Variants in PCDH7 observed in about 807,000 individuals in gnomAD.
PCDH7 encodes protocadherin-7.
A neutral mutation model predicts 58.9 loss-of-function variants in PCDH7; 17 were observed. The observed-to-expected ratio is 0.29, with a 90% CI of 0.20 to 0.43. The LOEUF (loss-of-function observed/expected upper bound fraction) is 0.43, where lower values mean the gene tolerates loss of function less well. PCDH7 is among the 20% of genes least tolerant of loss of function. The probability of loss-of-function intolerance (pLI) is 1.00; values close to 1 mark genes in which losing one functional copy is unlikely to be tolerated. For missense variants in PCDH7, 1,274 were observed against 1,441.0 expected (o/e 0.88, Z 1.88); for synonymous variants, 664 against 616.4 (o/e 1.08, Z -1.14).
chr4:31,095,158 T>C (rs1713799399), intron 3 of PCDH7, among the ~76,000 whole-genome samples: 1 of 152,126 alleles, frequency 6.6e-6, no homozygotes, highest in Non-Finnish European at 1.5e-5. Flanking sequence ...TAAATATCTC[T>C]GGCACCATTT....
At chr4:31,079,023 C>A (rs1014809590) in intron 3 of PCDH7, among the ~76,000 whole-genome samples, 32 of 151,624 alleles carry the variant, frequency 2.1e-4, no homozygotes, top group African/African-American at 7.7e-4. Context: ...GAAGAGTGGA[C>A]ATTTACTTCA....
chr4:30,938,297 G>A (rs1027538621), intron 2 of PCDH7, among the ~76,000 whole-genome samples: 3 of 152,028 alleles, frequency 2.0e-5, no homozygotes, highest in Non-Finnish European at 2.9e-5. Flanking sequence ...TCTCCTTATT[G>A]ATTGGACTTT....
At chr4:30,807,474 G>T (rs529598636) in intron 1 of PCDH7, among the ~76,000 whole-genome samples, 4 of 152,244 alleles carry the variant, frequency 2.6e-5, no homozygotes, top group Admixed American at 6.5e-5. Flanking sequence ...ACTGTTTTAC[G>T]GTGACAGCAG....
At chr4:31,058,320 A>G (rs1022383729) in intron 3 of PCDH7, among the ~76,000 whole-genome samples, 1 of 152,088 alleles carries the variant, frequency 6.6e-6, no homozygotes, top group Non-Finnish European at 1.5e-5. Flanking sequence ...TTAATAGAGT[A>G]TGCACAATGG....
intron 2 of PCDH7, among the ~76,000 whole-genome samples, chr4:30,925,431 G>A (rs890350407): frequency 2.6e-5 from 4 of 152,140 alleles, no homozygotes; most frequent in Non-Finnish European, 5.9e-5. Flanking sequence ...AACTTCTCTA[G>A]CAAGGCTGCC....
chr4:30,992,929 G>A (rs4692495), intron 3 of PCDH7, among the ~76,000 whole-genome samples: 26,002 of 151,202 alleles, frequency 0.17, 2,797 homozygotes, highest in South Asian at 0.27. Context: ...CTCCTGAGTA[G>A]CTGGGATTAC....
intron 1 of PCDH7, among the ~76,000 whole-genome samples, chr4:30,781,539 T>A (rs1441752227): frequency 2.8e-5 from 4 of 143,504 alleles, no homozygotes; most frequent in African/African-American, 1.0e-4. Flanking sequence ...ATCTCTCTAT[T>A]TTTTTTTTTT....
At chr4:30,800,787 G>C (rs965782769) in intron 1 of PCDH7, among the ~76,000 whole-genome samples, 4 of 152,226 alleles carry the variant, frequency 2.6e-5, no homozygotes, top group African/African-American at 9.6e-5. Flanking sequence ...GTGTGGTTAA[G>C]AGTACAGGGA....
At chr4:30,853,467 G>C (rs2109348337) in intron 1 of PCDH7, among the ~76,000 whole-genome samples, 1 of 152,150 alleles carries the variant, frequency 6.6e-6, no homozygotes, top group East Asian at 1.9e-4. Context: ...GGATAATTTG[G>C]GAACACAGGG....
intron 1 of PCDH7, among the ~76,000 whole-genome samples, chr4:30,829,176 G>T (rs778695420): frequency 5.9e-5 from 9 of 151,946 alleles, no homozygotes; most frequent in Non-Finnish European, 1.0e-4. Flanking sequence ...CTGATCCTGG[G>T]ATTTGTGTGT....
intron 2 of PCDH7, chr4:30,935,369 G>C: frequency 1.0e-6 from 1 of 974,104 alleles, no homozygotes; most frequent in Non-Finnish European, 1.2e-6. Context: ...GGCACCTTTT[G>C]AATTCGCTAT....
rs1049170523 is a variant in PCDH7 at position 30,977,802 on chromosome 4, T to C, written c.*7+27587T>C. ...TTCCCCTTCCCTAGTCCTCTGAGGA[T>C]CTCTGGAGTGTCATCTGATCAAGTT... is the stretch of plus-strand genomic sequence containing the variant. On this transcript the variant is annotated intron_variant, in intron 3 of 3. Transcript: ENST00000509759. Among the ~76,000 whole-genome samples the C allele has an allele frequency of 3.3e-5, 5 of 152,158 alleles. No individual in the cohort carries two copies. The South Asian group carries it at 1.0e-3, about 31-fold the overall frequency.
intron 3 of PCDH7, among the ~76,000 whole-genome samples, chr4:31,083,263 T>G (rs1711856727): frequency 6.6e-6 from 1 of 152,156 alleles, no homozygotes; most frequent in South Asian, 2.1e-4. Context: ...AAATAAAATT[T>G]TTTTAAAGAA....
chr4:30,814,247 A>G (rs1472312321), intron 1 of PCDH7, among the ~76,000 whole-genome samples: 1 of 152,006 alleles, frequency 6.6e-6, no homozygotes, highest in Non-Finnish European at 1.5e-5. Context: ...AAATATAAGT[A>G]ATACGCCTAT....
At chr4:30,962,822 T>G (rs1032811678) in intron 3 of PCDH7, among the ~76,000 whole-genome samples, 11 of 142,854 alleles carry the variant, frequency 7.7e-5, no homozygotes, top group East Asian at 6.2e-4. Context: ...TAATTCTATA[T>G]AAGTGAAGTG....
chr4:31,102,005 T>G (rs1714954454), intron 3 of PCDH7, among the ~76,000 whole-genome samples: 1 of 152,186 alleles, frequency 6.6e-6, no homozygotes, highest in African/African-American at 2.4e-5. Context: ...ATATTACCCA[T>G]GTGGAGCATT....
chr4:30,760,396 A>G (rs1184263636), intron 1 of PCDH7, among the ~76,000 whole-genome samples: 1 of 152,178 alleles, frequency 6.6e-6, no homozygotes, highest in African/African-American at 2.4e-5. Flanking sequence ...GAAGAGAGGG[A>G]GCCAAATTGT....
At chr4:30,738,729 T>C (rs1015142828) in intron 1 of PCDH7, among the ~76,000 whole-genome samples, 8 of 152,198 alleles carry the variant, frequency 5.3e-5, no homozygotes, top group Non-Finnish European at 1.5e-5. Flanking sequence ...CTTAAAATTT[T>C]AGTGCATTTT....
intron 3 of PCDH7, among the ~76,000 whole-genome samples, chr4:31,060,219 A>G (rs539420219): frequency 6.6e-6 from 1 of 151,880 alleles, no homozygotes; most frequent in Non-Finnish European, 1.5e-5. Flanking sequence ...ATTGTCCCCA[A>G]TCTTGGTTAT....
Sources: allele counts gnomAD v4.1 joint callset (sites outside exome capture counted in the v4.1 genomes callset), GRCh38; gene constraint gnomAD v4.1.1; transcripts MANE v1.5; gene names NCBI Gene and HGNC (gene_info 2026-07-23, HGNC 2026-07-21).